Variants in SLC14A2 observed in about 807,000 individuals in gnomAD.
The protein encoded by SLC14A2 is solute carrier family 14 member 2, also known as urea transporter 2.
In SLC14A2, 91 loss-of-function variants were observed where a neutral mutation model predicts 104.6. The observed-to-expected ratio is 0.87, with a 90% CI of 0.73 to 1.04. The LOEUF (loss-of-function observed/expected upper bound fraction) is 1.04. Ranked by LOEUF, SLC14A2 falls within the 50% of genes least tolerant of loss-of-function variation. The pLI, the probability that SLC14A2 is intolerant of heterozygous loss-of-function variation, is 0.00. For missense variants in SLC14A2, 1,189 were observed against 1,156.0 expected, an observed-to-expected ratio of 1.03 and a Z score of -0.41; for synonymous variants, 476 against 466.4, an observed-to-expected ratio of 1.02 and a Z score of -0.27.
intron 18 of SLC14A2, among the ~76,000 whole-genome samples, chr18:45,675,707 ATATT>A (rs1324792201): frequency 0.081 from 6,688 of 82,286 alleles, 127 homozygotes; most frequent in Admixed American, 0.15. Flanking sequence ...ATATATATAT[ATATT>A]TTTTTTTTTT....
chr18:45,318,253 G>C (rs550916137), intron 1 of SLC14A2, among the ~76,000 whole-genome samples: 1 of 152,130 alleles, frequency 6.6e-6, no homozygotes. Flanking sequence ...TAGACCTGGA[G>C]AGGACCAGCC....
chr18:45,470,171 T>C (rs1357139031), intron 1 of SLC14A2, among the ~76,000 whole-genome samples: 1 of 152,224 alleles, frequency 6.6e-6, no homozygotes, highest in Non-Finnish European at 1.5e-5. Context: ...AATGTTTAGA[T>C]CATCATTGCA....
At chr18:45,324,981 T>G (rs1198076521) in intron 1 of SLC14A2, among the ~76,000 whole-genome samples, 1 of 152,106 alleles carries the variant, frequency 6.6e-6, no homozygotes, top group South Asian at 2.1e-4. Flanking sequence ...TTACCAGACA[T>G]AAGGTCATCC....
intron 1 of SLC14A2, among the ~76,000 whole-genome samples, chr18:45,307,004 T>G (rs2085029062): frequency 6.6e-6 from 1 of 152,166 alleles, no homozygotes. Flanking sequence ...CGATCTGCAG[T>G]GCAGGAGTTA....
chr18:45,601,982 C>T (rs776666751), intron 2 of SLC14A2, among the ~76,000 whole-genome samples: 11 of 152,340 alleles, frequency 7.2e-5, no homozygotes, highest in Middle Eastern at 3.4e-3. Flanking sequence ...AGGGCATGTA[C>T]GGTTGTGCAT....
At chr18:45,349,630 T>C (rs1198017136) in intron 1 of SLC14A2, among the ~76,000 whole-genome samples, 1 of 152,222 alleles carries the variant, frequency 6.6e-6, no homozygotes, top group Non-Finnish European at 1.5e-5. Flanking sequence ...GCGCAGTGAA[T>C]GCAGCAGGAA....
chr18:45,625,994 C>G, intron 3 of SLC14A2, 131 bp downstream of exon 3: 1 of 600,014 alleles, frequency 1.7e-6, no homozygotes, highest in Non-Finnish European at 2.5e-6. Flanking sequence ...CAGGACTGGA[C>G]CTCACCCAGG....
intron 2 of SLC14A2, among the ~76,000 whole-genome samples, chr18:45,549,633 G>A (rs532268583): frequency 3.9e-5 from 6 of 152,336 alleles, no homozygotes; most frequent in East Asian, 3.9e-4. Context: ...AATGCTAGTC[G>A]GATGCTACGG....
intron 1 of SLC14A2, among the ~76,000 whole-genome samples, chr18:45,369,761 C>T (rs1184903773): frequency 6.6e-6 from 1 of 152,140 alleles, no homozygotes; most frequent in Non-Finnish European, 1.5e-5. Context: ...AGGCACAGTG[C>T]TAAGCTCTGA....
intron 1 of SLC14A2, among the ~76,000 whole-genome samples, chr18:45,217,212 TTA>T (rs1364025962): frequency 6.7e-5 from 10 of 148,806 alleles, no homozygotes; most frequent in East Asian, 1.9e-4. Context: ...ATATAAATAT[TTA>T]TATATGTTTT....
intron 1 of SLC14A2, among the ~76,000 whole-genome samples, chr18:45,342,715 G>A (rs980841480): frequency 1.3e-5 from 2 of 152,206 alleles, no homozygotes; most frequent in African/African-American, 4.8e-5. Context: ...GACATACTTA[G>A]GAGGTAAATT....
intron 2 of SLC14A2, among the ~76,000 whole-genome samples, chr18:45,595,911 T>G (rs1303017913): frequency 6.6e-6 from 1 of 151,742 alleles, no homozygotes; most frequent in Admixed American, 6.6e-5. Flanking sequence ...TTGAGGAGGG[T>G]CCCCCTCTCA....
intron 1 of SLC14A2, among the ~76,000 whole-genome samples, chr18:45,262,571 A>T (rs1305133584): frequency 1.3e-5 from 2 of 152,144 alleles, no homozygotes; most frequent in Admixed American, 6.5e-5. Flanking sequence ...GAAAGGATTG[A>T]CCAACTTTTT....
chr18:45,503,321 C>T (rs1218308696), intron 2 of SLC14A2, among the ~76,000 whole-genome samples: 1 of 152,148 alleles, frequency 6.6e-6, no homozygotes, highest in Non-Finnish European at 1.5e-5. Flanking sequence ...CAAGGGGTCT[C>T]TCCACGTTAT....
intron 2 of SLC14A2, among the ~76,000 whole-genome samples, chr18:45,597,030 A>G (rs1241074994): frequency 6.6e-6 from 1 of 152,184 alleles, no homozygotes; most frequent in Non-Finnish European, 1.5e-5. Context: ...CAAGTCTCCA[A>G]AGAAGGTTGG....
intron 1 of SLC14A2, among the ~76,000 whole-genome samples, chr18:45,356,026 T>C (rs1000238358): frequency 2.0e-5 from 3 of 152,066 alleles, no homozygotes; most frequent in Non-Finnish European, 2.9e-5. Context: ...CTGAGAACAT[T>C]GCAGGGGTTT....
intron 1 of SLC14A2, among the ~76,000 whole-genome samples, chr18:45,234,749 C>A (rs1401809371): frequency 1.3e-5 from 2 of 152,206 alleles, no homozygotes; most frequent in Admixed American, 1.3e-4. Flanking sequence ...CCGTATCTGC[C>A]TAGAAGTTGC....
intron 10 of SLC14A2, among the ~76,000 whole-genome samples, chr18:45,649,317 A>G (rs1599119759): frequency 2.0e-5 from 3 of 152,272 alleles, no homozygotes; most frequent in Middle Eastern, 6.8e-3. Flanking sequence ...AAATAATTTC[A>G]CTATTCTCCT....
chr18:45,454,441 C>A (rs1208901539), intron 1 of SLC14A2, among the ~76,000 whole-genome samples: 1 of 152,066 alleles, frequency 6.6e-6, no homozygotes, highest in South Asian at 2.1e-4. Context: ...AATTTTCCTC[C>A]CATTCTGTAG....
Sources: allele counts gnomAD v4.1 joint callset (sites outside exome capture counted in the v4.1 genomes callset), GRCh38; gene constraint gnomAD v4.1.1; transcripts MANE v1.5; gene names NCBI Gene and HGNC (gene_info 2026-07-23, HGNC 2026-07-21).